The following BANK1 variants were observed in gnomAD, a reference collection of about 807,000 sequenced individuals.
BANK1 encodes the protein B-cell scaffold protein with ankyrin repeats.
A neutral mutation model predicts 94.5 loss-of-function variants in BANK1; 95 were observed. The ratio of observed to expected loss-of-function variants is 1.00; its 90% confidence interval spans 0.85 to 1.19. The LOEUF is 1.19. BANK1 is among the 50% of genes most tolerant of loss of function. The pLI is 0.00. For missense variants in BANK1, 987 were observed against 932.2 expected (o/e 1.06, Z -0.77); for synonymous variants, 334 against 308.4 (o/e 1.08, Z -0.87).
At chr4:101,931,866 C>G (rs1403054861) in intron 7 of BANK1, among the ~76,000 whole-genome samples, 1 of 151,218 alleles carries the variant, frequency 6.6e-6, no homozygotes, top group Non-Finnish European at 1.5e-5. Context: ...ATGCAGAGCC[C>G]TAGAAGGCAG....
intron 7 of BANK1, among the ~76,000 whole-genome samples, chr4:101,977,291 T>G (rs1725169926): frequency 1.3e-5 from 2 of 152,172 alleles, no homozygotes; most frequent in Admixed American, 1.3e-4. Context: ...AATCACACAC[T>G]GGTTCTTAAA....
At chr4:101,864,817 G>A (rs1728007962) in intron 4 of BANK1, among the ~76,000 whole-genome samples, 1 of 152,156 alleles carries the variant, frequency 6.6e-6, no homozygotes, top group Non-Finnish European at 1.5e-5. Context: ...GGCTTGAGGG[G>A]AGGAGGACCC....
chr4:101,887,158 A>T lies in BANK1; in HGVS notation c.904-8147A>T, dbSNP rs547342440. ...ATTCCGACAAGGAAGTGATGGATGA[A>T]CCTTCTTGTACCATGAAGATGATAT... On this transcript the variant is annotated intron_variant, in intron 5 of 16. Coordinates refer to ENST00000322953, the MANE Select transcript of BANK1 (RefSeq NM_017935.5). Among the ~76,000 whole-genome samples, 20 of 152,282 alleles carry T rather than the reference A, an allele frequency of 1.3e-4. No homozygotes were observed. In the South Asian group the frequency reaches 3.9e-3, roughly 30 times the overall value.
intron 7 of BANK1, among the ~76,000 whole-genome samples, chr4:101,927,209 G>C (rs1386262310): frequency 4.0e-5 from 6 of 151,616 alleles, no homozygotes; most frequent in Non-Finnish European, 8.9e-5. Flanking sequence ...ATATGGCCGC[G>C]GGTGAAAGGA....
Position 101,917,998 on chromosome 4 carries a change from C to T in BANK1, c.1015C>T (p.His339Tyr). The T allele has an allele frequency of 6.2e-7, 1 of 1,602,160 alleles. No individual in the cohort carries two copies. The change falls in exon 7 of 17, where the codon CAT (histidine) becomes TAT (tyrosine). Residue 339 changes from histidine to tyrosine, a missense_variant. Transcript: ENST00000322953. ...ACTACTTCTTATGCTTACAGATACT[C>T]ATTTCAAAGAACTTCCAACTCTTCT... ...TEICSQNKYT[H>Y]FKELPTLLHC... is the part of the protein sequence containing the mutation.
chr4:101,866,634 A>ATTACGTTGAATTTCTC (rs1560608069), intron 4 of BANK1, among the ~76,000 whole-genome samples: 1 of 118,708 alleles, frequency 8.4e-6, no homozygotes, highest in Admixed American at 7.4e-5. Context: ...GAGTATAGGA[A>ATTACGTTGAATTTCTC]TACCATTTGA....
chr4:102,043,995 G>T, intron 11 of BANK1, 88 bp downstream of exon 11: 1 of 697,390 alleles, frequency 1.4e-6, no homozygotes, highest in South Asian at 2.2e-5. Flanking sequence ...TCCTAGGACA[G>T]AAGTATGTAA....
intron 1 of BANK1, among the ~76,000 whole-genome samples, chr4:101,817,605 G>A (rs1479417578): frequency 6.6e-6 from 1 of 152,080 alleles, no homozygotes; most frequent in Non-Finnish European, 1.5e-5. Context: ...TGGGTGATTG[G>A]ATGATCTATG....
chr4:101,963,423 G>T (rs1401493417), intron 7 of BANK1, among the ~76,000 whole-genome samples: 1 of 152,036 alleles, frequency 6.6e-6, no homozygotes, highest in Non-Finnish European at 1.5e-5. Context: ...TAACATCCCT[G>T]AATAATATGT....
intron 7 of BANK1, among the ~76,000 whole-genome samples, chr4:101,970,295 C>CA (rs1200074680): frequency 6.6e-6 from 1 of 152,078 alleles, no homozygotes; most frequent in Non-Finnish European, 1.5e-5. Flanking sequence ...AGACGAGTGT[C>CA]AGAGTAATGC....
Position 102,058,702 on chromosome 4 carries a change from TA to T in BANK1, c.1970-1497del, listed in dbSNP as rs202223180. Among the ~76,000 whole-genome samples, 1,198 of 138,420 alleles carry T rather than the reference TA, an allele frequency of 8.7e-3. 13 individuals are homozygous for T. The highest frequency in any genetic ancestry group is 0.021 in the African/African-American group (821 of 38,226). The allele number at this position is 138,420 out of a possible 152,430, so 90.8% of individuals were successfully genotyped here. ...ACAAATGCTTTAATCTCTTTACTCT[TA>T]AAAAAAAAAAAGGTAAAAGCAGATT... On this transcript the variant is annotated intron_variant, in intron 11 of 16. Coordinates refer to ENST00000322953, the MANE Select transcript of BANK1 (RefSeq NM_017935.5).
intron 7 of BANK1, among the ~76,000 whole-genome samples, chr4:102,003,411 A>G (rs1031543103): frequency 6.6e-6 from 1 of 152,154 alleles, no homozygotes; most frequent in Non-Finnish European, 1.5e-5. Flanking sequence ...TTAAAAATGG[A>G]TTATTCCCAT....
At position 101,939,563 on chromosome 4, in the gene BANK1, A is replaced by G. The variant is rs536908814; in HGVS notation, c.1206+21374A>G. ...CAATGGCAGGGGAGTAGAGAGACAGAGGTTGAGAGAGACATGGGCTTTTAA... is the reference window on the plus strand; with the variant it reads ...CAATGGCAGGGGAGTAGAGAGACAGGGGTTGAGAGAGACATGGGCTTTTAA... On this transcript the variant is annotated intron_variant, in intron 7 of 16. Coordinates refer to ENST00000322953, the MANE Select transcript of BANK1 (RefSeq NM_017935.5). 2.0e-5 allele frequency among the ~76,000 whole-genome samples: 3 copies of G among 151,804 alleles called. No individual in the cohort carries two copies. The South Asian group carries it at 6.2e-4, about 31-fold the overall frequency.
intron 7 of BANK1, among the ~76,000 whole-genome samples, chr4:101,993,489 G>T (rs1397174378): frequency 1.3e-5 from 2 of 152,156 alleles, no homozygotes; most frequent in African/African-American, 4.8e-5. Context: ...GGGGCGTGGA[G>T]GTATACAGAC....
chr4:101,945,601 C>A (rs1723901182), intron 7 of BANK1, among the ~76,000 whole-genome samples: 1 of 151,870 alleles, frequency 6.6e-6, no homozygotes, highest in Non-Finnish European at 1.5e-5. Context: ...CAAGAAACAG[C>A]ACCAGAGTGA....
At chr4:101,973,502 C>T (rs1466741839) in intron 7 of BANK1, among the ~76,000 whole-genome samples, 1 of 152,052 alleles carries the variant, frequency 6.6e-6, no homozygotes, top group African/African-American at 2.4e-5. Flanking sequence ...CTAAATTCTA[C>T]TGCCTTAGTC....
At chr4:101,957,404 T>A (rs1724384243) in intron 7 of BANK1, among the ~76,000 whole-genome samples, 1 of 152,174 alleles carries the variant, frequency 6.6e-6, no homozygotes, top group Non-Finnish European at 1.5e-5. Flanking sequence ...GTCTTGTGAT[T>A]ATTTGGGGCC....
At chr4:101,985,588 A>G (rs1442862486) in intron 7 of BANK1, among the ~76,000 whole-genome samples, 1 of 152,066 alleles carries the variant, frequency 6.6e-6, no homozygotes, top group African/African-American at 2.4e-5. Context: ...CTACTTGCTA[A>G]TGTTATTATT....
At chr4:102,010,467 A>C (rs775451680) in intron 7 of BANK1, among the ~76,000 whole-genome samples, 127 of 142,336 alleles carry the variant, frequency 8.9e-4, no homozygotes, top group Non-Finnish European at 1.6e-3. Flanking sequence ...ATCTGGGCTC[A>C]CTGCAGCTTC....
Sources: allele counts gnomAD v4.1 joint callset (sites outside exome capture counted in the v4.1 genomes callset), GRCh38; gene constraint gnomAD v4.1.1; transcripts MANE v1.5; gene names NCBI Gene and HGNC (gene_info 2026-07-23, HGNC 2026-07-21).